The following ARK2C variants were observed in gnomAD, a reference collection of about 807,000 sequenced individuals.
ARK2C encodes arkadia (RNF111) C-terminal like ring finger ubiquitin ligase 2C.
chr18:46,424,978 G>A, the ARK2C span, among the ~76,000 whole-genome samples: 2 of 152,328 alleles, frequency 1.3e-5, no homozygotes, highest in Admixed American at 1.3e-4. Context: ...TCTTGAGGCT[G>A]AGCCTCTCCA....
the ARK2C span, among the ~76,000 whole-genome samples, chr18:46,400,984 A>G: frequency 1.9e-4 from 29 of 152,150 alleles, no homozygotes; most frequent in Non-Finnish European, 2.5e-4. Flanking sequence ...GGAGGCAGAG[A>G]TGACCTCCCG....
the ARK2C span, among the ~76,000 whole-genome samples, chr18:46,378,692 T>C: frequency 6.6e-6 from 1 of 152,140 alleles, no homozygotes; most frequent in East Asian, 1.9e-4. Flanking sequence ...AACCCATAAA[T>C]ACACATTCTA....
the ARK2C span, among the ~76,000 whole-genome samples, chr18:46,408,031 T>A: frequency 1.3e-5 from 2 of 152,084 alleles, no homozygotes; most frequent in Admixed American, 1.3e-4. Flanking sequence ...ATGGATGGGG[T>A]GGCAGGGATT....
At chr18:46,402,939 C>T in the ARK2C span, among the ~76,000 whole-genome samples, 1 of 152,232 alleles carries the variant, frequency 6.6e-6, no homozygotes, top group Non-Finnish European at 1.5e-5. Context: ...CTAGTCTCAA[C>T]ACCATGGGTT....
the ARK2C span, among the ~76,000 whole-genome samples, chr18:46,398,246 C>T: frequency 2.7e-5 from 4 of 147,082 alleles, no homozygotes; most frequent in Non-Finnish European, 6.0e-5. Context: ...TGGGGTCATG[C>T]GGAGGTGTGA....
chr18:46,334,671 CGTGTGTGTGTGT>C, the ARK2C span: 884 of 304,444 alleles, frequency 2.9e-3, 3 homozygotes, highest in African/African-American at 4.1e-3. The surrounding 1 kb of genome is among the most constrained non-coding windows in gnomAD (Gnocchi z 4.4). Flanking sequence ...GATACATGAC[CGTGTGTGTGTGT>C]GTGTGTGTGT....
chr18:46,433,007 G>A, the ARK2C span, among the ~76,000 whole-genome samples: 51,036 of 151,978 alleles, frequency 0.34, 9,218 homozygotes, highest in East Asian at 0.76. Flanking sequence ...TCAGGTACAC[G>A]CACACAGCCT....
At chr18:46,417,882 T>C in the ARK2C span, among the ~76,000 whole-genome samples, 1 of 151,882 alleles carries the variant, frequency 6.6e-6, no homozygotes, top group Non-Finnish European at 1.5e-5. Context: ...CAGGCGCCTG[T>C]AATCCCAGCT....
At chr18:46,436,556 G>T in the ARK2C span, among the ~76,000 whole-genome samples, 1 of 152,194 alleles carries the variant, frequency 6.6e-6, no homozygotes, top group African/African-American at 2.4e-5. Context: ...GTCAGGCTTA[G>T]TCCAGGGTTG....
At chr18:46,450,064 C>T in the ARK2C span, among the ~76,000 whole-genome samples, 2 of 152,174 alleles carry the variant, frequency 1.3e-5, no homozygotes, top group African/African-American at 4.8e-5. Flanking sequence ...TAGAACAGTG[C>T]CTGCCATGAA....
At chr18:46,414,834 T>C in the ARK2C span, among the ~76,000 whole-genome samples, 1 of 152,292 alleles carries the variant, frequency 6.6e-6, no homozygotes, top group Non-Finnish European at 1.5e-5. Flanking sequence ...GTTAGATTCA[T>C]TGGGAGCCAT....
the ARK2C span, among the ~76,000 whole-genome samples, chr18:46,365,096 T>A: frequency 6.6e-6 from 1 of 152,210 alleles, no homozygotes. Context: ...TTATCACCAT[T>A]CCCTGCGTCT....
the ARK2C span, among the ~76,000 whole-genome samples, chr18:46,403,682 A>G: frequency 2.0e-5 from 3 of 152,258 alleles, no homozygotes; most frequent in South Asian, 6.2e-4. Context: ...GTTCGAGACC[A>G]GTCTGGCCAA....
At chr18:46,416,657 TC>T in the ARK2C span, among the ~76,000 whole-genome samples, 3 of 152,258 alleles carry the variant, frequency 2.0e-5, no homozygotes, top group African/African-American at 7.2e-5. Flanking sequence ...TGGGTTGGGC[TC>T]AGCTGGGAAG....
the ARK2C span, among the ~76,000 whole-genome samples, chr18:46,424,076 T>C: frequency 6.6e-6 from 1 of 152,218 alleles, no homozygotes; most frequent in Non-Finnish European, 1.5e-5. Flanking sequence ...TTATTGGAGA[T>C]AAAATTCATA....
chr18:46,343,448 A>G, the ARK2C span, among the ~76,000 whole-genome samples: 4 of 152,210 alleles, frequency 2.6e-5, no homozygotes, highest in African/African-American at 9.7e-5. Flanking sequence ...GAAGTAATGC[A>G]TAGGAAACAA....
the ARK2C span, among the ~76,000 whole-genome samples, chr18:46,400,074 C>G: frequency 6.6e-6 from 1 of 152,184 alleles, no homozygotes; most frequent in Non-Finnish European, 1.5e-5. Context: ...GCACTGGGAC[C>G]CCCACGGTAC....
the ARK2C span, among the ~76,000 whole-genome samples, chr18:46,427,486 G>A: frequency 6.6e-6 from 1 of 152,200 alleles, no homozygotes; most frequent in Non-Finnish European, 1.5e-5. Flanking sequence ...AGTGGGGGAG[G>A]CTCCACCAGG....
At chr18:46,456,578 G>A in the ARK2C span, 3 of 1,614,174 alleles carry the variant, frequency 1.9e-6, no homozygotes, top group Non-Finnish European at 2.5e-6. Flanking sequence ...CTCGCCATGA[G>A]CAAGAAATGC....
Sources: gnomAD v4.1 joint callset for allele counts (sites outside exome capture counted in the v4.1 genomes callset) on GRCh38, gnomAD v4.1.1 for gene constraint, Gnocchi (gnomAD v3.1) non-coding constraint, MANE v1.5 for transcripts, NCBI Gene and HGNC (gene_info 2026-07-23, HGNC 2026-07-21) for gene names.